SORBS2: variants seen among roughly 807,000 people sequenced by gnomAD.
The protein encoded by SORBS2 is sorbin and SH3 domain-containing protein 2.
Under a neutral mutation model 97.7 loss-of-function variants are expected in SORBS2, and 46 were observed. The observed-to-expected ratio is 0.47, with a 90% CI of 0.37 to 0.60. SORBS2 has a LOEUF of 0.60. SORBS2 is among the 20% of genes least tolerant of loss of function. The pLI, the probability that SORBS2 is intolerant of heterozygous loss-of-function variation, is 0.00. For synonymous variants in SORBS2, 476 were observed against 473.4 expected (o/e 1.01, Z -0.07); for missense variants, 1,316 against 1,282.3 (o/e 1.03, Z -0.40).
At chr4:185,629,793 C>T (rs369321790) in intron 5 of SORBS2, among the ~76,000 whole-genome samples, 37 of 151,914 alleles carry the variant, frequency 2.4e-4, no homozygotes, top group East Asian at 5.8e-4. Context: ...AATCTCTTGA[C>T]CTCATGATCT....
chr4:185,735,457 G>A (rs1464412478), intron 2 of SORBS2, among the ~76,000 whole-genome samples: 1 of 146,990 alleles, frequency 6.8e-6, no homozygotes, highest in Non-Finnish European at 1.5e-5. Flanking sequence ...TTTTCTAAAT[G>A]GAACTATCCT....
At chr4:185,638,267 G>T (rs550399788) in intron 4 of SORBS2, 105 bp from the exon 15 acceptor site, 1 of 744,558 alleles carries the variant, frequency 1.3e-6, no homozygotes, top group African/African-American at 1.7e-5. Flanking sequence ...ACGCAAACAT[G>T]CATCAACTCT....
intron 4 of SORBS2, among the ~76,000 whole-genome samples, chr4:185,672,578 C>A (rs1267351418): frequency 3.9e-5 from 6 of 152,166 alleles, no homozygotes; most frequent in Admixed American, 3.9e-4. Flanking sequence ...AAAGCACATG[C>A]CGTTTAGAAA....
chr4:185,933,286 G>A (rs979992251), intron 1 of SORBS2: 9 of 152,164 alleles, frequency 5.9e-5, no homozygotes, highest in Admixed American at 3.3e-4. Context: ...CTAGAGTATC[G>A]CTGTAGAATC....
chr4:185,792,977 A>G (rs1002716991), intron 1 of SORBS2, among the ~76,000 whole-genome samples: 1 of 152,240 alleles, frequency 6.6e-6, no homozygotes, highest in African/African-American at 2.4e-5. Context: ...TAATGTACTC[A>G]TCAGAGCGTT....
At chr4:185,722,672 C>A (rs913292480) in intron 2 of SORBS2, among the ~76,000 whole-genome samples, 2 of 152,128 alleles carry the variant, frequency 1.3e-5, no homozygotes, top group Non-Finnish European at 2.9e-5. Flanking sequence ...CCATAAGGAA[C>A]CTCCTCCTTC....
chr4:185,868,156 TTTC>T lies in SORBS2; in HGVS notation c.-338+88037_-338+88039del, dbSNP rs1284657631. On this transcript the variant is annotated intron_variant, in intron 1 of 20. Coordinates refer to the SORBS2 transcript ENST00000284776. ...CTTTCTCTTTTCTTTTCTTTTTTTCTTTCTTTTTTTTTTTTTTTGAGGCAGAGT... is the reference window on the plus strand; with the variant it reads ...CTTTCTCTTTTCTTTTCTTTTTTTCTTTTTTTTTTTTTTTTGAGGCAGAGT... Among the ~76,000 whole-genome samples the T allele has an allele frequency of 6.2e-5, 5 of 80,482 alleles. 1 individual carries two copies. Among genetic ancestry groups the T allele is most frequent in the African/African-American group, 1.7e-4 (3 of 17,438 alleles). The allele number at this position is 80,482 out of a possible 152,430, so 52.8% of individuals were successfully genotyped here.
chr4:185,825,222 T>C (rs1205764616), intron 1 of SORBS2, among the ~76,000 whole-genome samples: 2 of 151,782 alleles, frequency 1.3e-5, no homozygotes, highest in Admixed American at 6.6e-5. Context: ...GTTTTTTTTT[T>C]TACTGTACTG....
intron 2 of SORBS2, among the ~76,000 whole-genome samples, chr4:185,767,069 T>C (rs62334851): frequency 0.15 from 23,314 of 152,116 alleles, 1,920 homozygotes; most frequent in Middle Eastern, 0.24. Flanking sequence ...ATTATACTAT[T>C]GGCACATTCA....
rs548608555 is a variant in SORBS2, at chr4:185,871,224, AAT to A, written c.-338+84970_-338+84971del. Among the ~76,000 whole-genome samples the A allele has an allele frequency of 3.7e-3, 566 of 152,318 alleles. 5 individuals carry two copies. The highest frequency in any genetic ancestry group is 0.013 in the African/African-American group (544 of 41,566). On this transcript the variant is annotated intron_variant, in intron 1 of 20. Coordinates refer to the SORBS2 transcript ENST00000284776. ...CCTTAACAAAAAGTTAGCCAGGTGA[AAT>A]CCTTTTTCATTCTTAACAGTGTATT...
chr4:185,631,620 G>C (rs2096907765), intron 4 of SORBS2, among the ~76,000 whole-genome samples: 2 of 152,150 alleles, frequency 1.3e-5, no homozygotes, highest in African/African-American at 2.4e-5. Flanking sequence ...AAACGAGCCA[G>C]GCATGGTGAC....
intron 5 of SORBS2, among the ~76,000 whole-genome samples, chr4:185,627,355 G>A (rs1581274580): frequency 6.6e-6 from 1 of 152,110 alleles, no homozygotes; most frequent in South Asian, 2.1e-4. Flanking sequence ...GACCACAGGT[G>A]GGTGCCACCT....
chr4:185,832,460 G>C (rs1008268946), intron 1 of SORBS2, among the ~76,000 whole-genome samples: 3 of 152,110 alleles, frequency 2.0e-5, no homozygotes, highest in Admixed American at 1.3e-4. Context: ...TCCACATTTT[G>C]ACTTAGAAGT....
intron 1 of SORBS2, among the ~76,000 whole-genome samples, chr4:185,868,075 C>T (rs2099228001): frequency 6.6e-6 from 1 of 151,634 alleles, no homozygotes; most frequent in Non-Finnish European, 1.5e-5. Flanking sequence ...TAACTTCCAA[C>T]AGGAATTTAG....
At chr4:185,949,860 G>A (rs1209183990) in intron 1 of SORBS2, among the ~76,000 whole-genome samples, 1 of 152,118 alleles carries the variant, frequency 6.6e-6, no homozygotes, top group Non-Finnish European at 1.5e-5. Flanking sequence ...CGAAACTCAA[G>A]TAATCAAGGG....
chr4:185,777,351 A>G (rs1232070781), intron 1 of SORBS2, among the ~76,000 whole-genome samples: 2 of 152,232 alleles, frequency 1.3e-5, no homozygotes, highest in South Asian at 2.1e-4. Flanking sequence ...CTTGGCCTCA[A>G]TGTGGAATGG....
intron 1 of SORBS2, among the ~76,000 whole-genome samples, chr4:185,850,590 G>A (rs1381186438): frequency 6.6e-6 from 1 of 152,304 alleles, no homozygotes; most frequent in East Asian, 1.9e-4. Flanking sequence ...TCTCTTCTTT[G>A]AACAAGTAAG....
At chr4:185,638,497 T>A (rs1291023135) in intron 4 of SORBS2, among the ~76,000 whole-genome samples, 1 of 152,164 alleles carries the variant, frequency 6.6e-6, no homozygotes, top group Non-Finnish European at 1.5e-5. Flanking sequence ...TGGGTCTGGC[T>A]GGCACGCCTG....
Position 185,909,673 on chromosome 4 carries a change from T to C in SORBS2, c.-338+46523A>G, listed in dbSNP as rs377757690. On this transcript the variant is annotated intron_variant, in intron 1 of 20. Transcript: ENST00000284776. The stretch of plus-strand genomic sequence containing the variant: ...AATTATGAGGGCTTCTGTGAAGACA[T>C]TGTTTCACTGCCACTCAATATAACT... 3.0e-4 allele frequency among the ~76,000 whole-genome samples: 45 copies of C among 152,334 alleles called. No individual in the cohort carries two copies. The East Asian group carries it at 3.1e-3, about 10-fold the overall frequency.
Sources: gnomAD v4.1 joint callset for allele counts (sites outside exome capture counted in the v4.1 genomes callset) on GRCh38, gnomAD v4.1.1 for gene constraint, MANE v1.5 for transcripts, NCBI Gene and HGNC (gene_info 2026-07-23, HGNC 2026-07-21) for gene names.